SNX19: variants seen among roughly 807,000 people sequenced by gnomAD.
The protein encoded by SNX19 is sorting nexin-19.
In SNX19, 60 loss-of-function variants were observed where a neutral mutation model predicts 85.2. The ratio of observed to expected loss-of-function variants is 0.70; its 90% CI spans 0.57 to 0.87. The LOEUF (loss-of-function observed/expected upper bound fraction) is 0.87, where lower values mean the gene tolerates loss of function less well. SNX19 is among the 40% of genes least tolerant of loss of function. The pLI is 0.00. For missense variants in SNX19, 1,201 were observed against 1,217.8 expected (o/e 0.99, Z 0.21); for synonymous variants, 520 against 470.0 (o/e 1.11, Z -1.38).
At chr11:130,908,786 C>G (rs1247409071) in intron 4 of SNX19, among the ~76,000 whole-genome samples, 1 of 152,184 alleles carries the variant, frequency 6.6e-6, no homozygotes, top group Non-Finnish European at 1.5e-5. Flanking sequence ...CAGATATTTG[C>G]TAAAAAGGAC....
chr11:130,911,900 G>A, intron 1 of SNX19, 129 bp from the exon 2 acceptor site: 1 of 873,648 alleles, frequency 1.1e-6, no homozygotes. Flanking sequence ...GAGGGAGTAT[G>A]TTCCTATTCT....
Position 130,871,483 on chromosome 11 carries a change from T to G in SNX19, c.*6939A>C, listed in dbSNP as rs1056277678. 7.2e-5 allele frequency among the ~76,000 whole-genome samples: 11 copies of G among 152,212 alleles called. No individual in the cohort carries two copies. The highest frequency in any genetic ancestry group is 1.6e-4 in the Non-Finnish European group (11 of 68,034). On this transcript the variant is annotated 3_prime_UTR_variant, in exon 11 of 11. Coordinates refer to ENST00000265909, the MANE Select transcript of SNX19 (RefSeq NM_014758.3). ...CTCCCTTAATAAGGTCTATTCTTCT[T>G]GGTGTCAAGGTATGAAAAGCAGTAT...
chr11:130,908,285 A>G, intron 4 of SNX19: 1 of 450,540 alleles, frequency 2.2e-6, no homozygotes, highest in Non-Finnish European at 3.7e-6. Flanking sequence ...GGCCATAAAA[A>G]TCTTTTTCCT....
rs1218992508 is a variant in SNX19, at chr11:130,873,889, A to G, written c.*4533T>C. ...CCTTGCTAACATCAATTATTTCTGT[A>G]GATATCTGACCTTCATGGAAGATGA... is the stretch of plus-strand genomic sequence containing the variant. On this transcript the variant is annotated 3_prime_UTR_variant, in exon 11 of 11. Transcript: ENST00000265909. Among the ~76,000 whole-genome samples, 3 of 152,222 alleles carry G rather than the reference A, an allele frequency of 2.0e-5. No individual in the cohort carries two copies. The East Asian group carries it at 5.8e-4, about 29-fold the overall frequency.
In SNX19 at chr11:130,907,974, G is replaced by C; in HGVS notation, c.2144C>G (p.Thr715Arg). 3 of 1,614,134 alleles carry C rather than the reference G, an allele frequency of 1.9e-6. No individual in the cohort carries two copies. Among genetic ancestry groups the C allele is most frequent in the Middle Eastern group, 1.7e-4 (1 of 6,028 alleles). The change falls in exon 5 of 11, where the codon ACA (threonine) becomes AGA (arginine). Residue 715 changes from threonine to arginine, a missense_variant. Physicochemically the swap from Thr to Arg is moderately conservative, Grantham distance 71. Coordinates refer to ENST00000265909, the MANE Select transcript of SNX19 (RefSeq NM_014758.3). ...SEAETESKPQ[T>R]EGKKASKSRL... ...TCACTTGCTAGCCTTCTTGCCTTCT[G>C]TCTGGGGCTTGCTTTCGGTCTCGGC...
At position 130,879,630 on chromosome 11, in the gene SNX19, A is replaced by C. The variant is rs1175085938; in HGVS notation, c.2840T>G (p.Ile947Ser). The change falls in exon 10 of 11, where the codon ATC becomes AGC. Residue 947 changes from isoleucine (I) to serine (S), a missense_variant. Ile to Ser is a moderately radical substitution (Grantham distance 142). Transcript: ENST00000265909. Reference sequence around the variant, plus strand: ...ATAACATTTTCCCACTTACCTGTTGATGAGGGGTTGTTGTAGTGACTCCAG... The same window carrying C: ...ATAACATTTTCCCACTTACCTGTTGCTGAGGGGTTGTTGTAGTGACTCCAG... ...LVLESLQQPLINRHLIYCLGD... is the reference protein window; with the variant it reads ...LVLESLQQPLSNRHLIYCLGD... 6.2e-7 allele frequency: 1 copy of C among 1,613,736 alleles called. No individual in the cohort carries two copies. Among genetic ancestry groups the C allele is most frequent in the East Asian group, 2.2e-5 (1 of 44,872 alleles).
chr11:130,866,948 A>G lies in SNX19; in HGVS notation c.*11474T>C, dbSNP rs1304856179. The stretch of plus-strand genomic sequence containing the variant: ...CTCATTTAGCTCCCGTGCCCACCCA[A>G]TCTCTGTGAGGAAAGCTCTATTCTT... On this transcript the variant is annotated 3_prime_UTR_variant, in exon 11 of 11. Coordinates refer to ENST00000265909, the MANE Select transcript of SNX19 (RefSeq NM_014758.3). The G allele has an allele frequency of 6.6e-6, 1 of 152,248 alleles. No homozygotes were observed. Among genetic ancestry groups the G allele is most frequent in the Non-Finnish European group, 1.5e-5 (1 of 68,048 alleles). 9.4% of individuals were successfully genotyped at this position (152,248 alleles called of 1,614,324 possible). A position where few individuals can be genotyped will look rare whatever the true frequency, so the allele number is the denominator to read the frequency against.
rs1943011168 is a variant in SNX19, at chr11:130,871,134, G to A, written c.*7288C>T. Among the ~76,000 whole-genome samples the A allele has an allele frequency of 6.6e-6, 1 of 152,090 alleles. No individual in the cohort carries two copies. ...AAATGAAAGCAGGAAGGAACATGCTGGTTTGGGCAGAATAAAAAATCCCTA... is the reference window on the plus strand; with the variant it reads ...AAATGAAAGCAGGAAGGAACATGCTAGTTTGGGCAGAATAAAAAATCCCTA... On this transcript the variant is annotated 3_prime_UTR_variant, in exon 11 of 11. Transcript: ENST00000265909.
Position 130,908,201 on chromosome 11 carries a change from A to G in SNX19, c.2035-118T>C, listed in dbSNP as rs927870314. The G allele has an allele frequency of 5.9e-6, 7 of 1,189,456 alleles. No homozygotes were observed. In the African/African-American group the frequency reaches 9.1e-5, roughly 16 times the overall value. The allele number at this position is 1,189,456 out of a possible 1,614,324, so 73.7% of individuals were successfully genotyped here. A position where few individuals can be genotyped will look rare whatever the true frequency, so the allele number is the denominator to read the frequency against. On this transcript the variant is annotated intron_variant, in intron 4 of 10. Transcript: ENST00000265909. ...GACAAGGAGAGGGGCCAGGCTATCT[A>G]GCAAAGCCTTATCCAGTAGGAAGGT...
chr11:130,895,788 G>T (rs887458558), intron 8 of SNX19, among the ~76,000 whole-genome samples: 1 of 152,184 alleles, frequency 6.6e-6, no homozygotes, highest in Non-Finnish European at 1.5e-5. Flanking sequence ...CAATCTCAAA[G>T]ATATATTCCA....
At chr11:130,891,844 T>C (rs1304676777) in intron 8 of SNX19, among the ~76,000 whole-genome samples, 1 of 98,466 alleles carries the variant, frequency 1.0e-5, no homozygotes, top group Non-Finnish European at 2.3e-5. Flanking sequence ...TGAAAGTTTT[T>C]TCTTTTTTTT....
intron 8 of SNX19, among the ~76,000 whole-genome samples, chr11:130,890,242 G>A (rs1423969489): frequency 6.6e-6 from 1 of 152,052 alleles, no homozygotes; most frequent in Non-Finnish European, 1.5e-5. Flanking sequence ...AAATATAGGT[G>A]ATCCTACCTC....
chr11:130,874,375 G>A lies in SNX19; in HGVS notation c.*4047C>T, dbSNP rs553512510. On this transcript the variant is annotated 3_prime_UTR_variant, in exon 11 of 11. Transcript: ENST00000265909. Reference sequence around the variant, plus strand: ...GAAATGGTTCCTTCATTCCTTAGAAGAAAACACAGAAGAGATGCTCCTGTT... The same window carrying A: ...GAAATGGTTCCTTCATTCCTTAGAAAAAAACACAGAAGAGATGCTCCTGTT... Among the ~76,000 whole-genome samples the A allele has an allele frequency of 2.0e-5, 3 of 152,180 alleles. No individual in the cohort carries two copies. Among genetic ancestry groups the A allele is most frequent in the Middle Eastern group, 3.2e-3 (1 of 316 alleles).
Position 130,915,730 on chromosome 11 carries a change from A to G in SNX19, c.210T>C (p.Ala70=), listed in dbSNP as rs369365857. The part of the protein sequence containing the change: ...VLGGWLGSSL[A]GVASGRLHLE... ...GATGCAGTCGACCTGAAGCCACTCCAGCGAGGCTGGAGCCCAGCCATCCTC... is the reference window on the plus strand; with the variant it reads ...GATGCAGTCGACCTGAAGCCACTCCGGCGAGGCTGGAGCCCAGCCATCCTC... Residue 70 remains alanine (A), a synonymous_variant, in exon 1 of 11, where the codon GCT becomes GCC. Coordinates refer to ENST00000265909, the MANE Select transcript of SNX19 (RefSeq NM_014758.3). The G allele has an allele frequency of 6.4e-5, 104 of 1,614,116 alleles. No homozygotes were observed. Among genetic ancestry groups the G allele is most frequent in the Middle Eastern group, 1.6e-4 (1 of 6,082 alleles).
chr11:130,914,217 CA>C lies in SNX19; in HGVS notation c.1674+48del, dbSNP rs764108213. 10 of 1,486,284 alleles carry C rather than the reference CA, an allele frequency of 6.7e-6. No individual in the cohort carries two copies. In the East Asian group the frequency reaches 2.3e-4, roughly 34 times the overall value. 92.1% of individuals were successfully genotyped at this position (1,486,284 alleles called of 1,614,324 possible). ...GAACATTTGCTTCATGACTGCTTTC[CA>C]AACCCACTCCTAGCCCGGGTGAGCA... On this transcript the variant is annotated intron_variant, in intron 1 of 10. Coordinates refer to ENST00000265909, the MANE Select transcript of SNX19 (RefSeq NM_014758.3).
intron 8 of SNX19, among the ~76,000 whole-genome samples, chr11:130,891,995 G>A (rs6590524): frequency 6.6e-6 from 1 of 151,186 alleles, no homozygotes; most frequent in Non-Finnish European, 1.5e-5. Flanking sequence ...CATGCGCCAC[G>A]ATGCCCGGCA....
At chr11:130,907,424 C>T (rs1945757611) in intron 5 of SNX19, among the ~76,000 whole-genome samples, 1 of 152,088 alleles carries the variant, frequency 6.6e-6, no homozygotes, top group South Asian at 2.1e-4. Context: ...CCTTGCTTGC[C>T]ACATGTTGGC....
intron 8 of SNX19, among the ~76,000 whole-genome samples, chr11:130,886,225 G>A (rs1183871108): frequency 6.6e-6 from 1 of 152,064 alleles, no homozygotes; most frequent in Non-Finnish European, 1.5e-5. Context: ...CATCTGTTTT[G>A]TTGTTTGTGA....
rs1363825543 is a variant in SNX19, at chr11:130,867,496, G to A, written c.*10926C>T. 6 of 152,164 alleles carry A rather than the reference G, an allele frequency of 3.9e-5. No homozygotes were observed. Among genetic ancestry groups the A allele is most frequent in the African/African-American group, 1.4e-4 (6 of 41,416 alleles). 9.4% of individuals were successfully genotyped at this position (152,164 alleles called of 1,614,324 possible). ...GTGGCTTCTTTTTCATATCTGTATGGTATCTTTACTCAACTTGATTTTGGC... is the reference window on the plus strand; with the variant it reads ...GTGGCTTCTTTTTCATATCTGTATGATATCTTTACTCAACTTGATTTTGGC... On this transcript the variant is annotated 3_prime_UTR_variant, in exon 11 of 11. Transcript: ENST00000265909.
Sources: allele counts gnomAD v4.1 joint callset (sites outside exome capture counted in the v4.1 genomes callset), GRCh38; gene constraint gnomAD v4.1.1; transcripts MANE v1.5; gene names NCBI Gene and HGNC (gene_info 2026-07-23, HGNC 2026-07-21).